The following ABCC1 variants were observed in gnomAD, a reference collection of about 807,000 sequenced individuals.
The protein encoded by ABCC1 is ATP binding cassette subfamily C member 1 (ABCC1 blood group).
In ABCC1, 83 loss-of-function variants were observed where a neutral mutation model predicts 172.9. The ratio of observed to expected loss-of-function variants is 0.48; its 90% CI spans 0.40 to 0.58. ABCC1 has a LOEUF of 0.58. Ranked by LOEUF, ABCC1 falls within the 20% of genes least tolerant of loss-of-function variation. The probability of loss-of-function intolerance (pLI) is 0.00; values close to 1 mark genes in which losing one functional copy is unlikely to be tolerated. For missense variants in ABCC1, 1,817 were observed against 2,002.7 expected (o/e 0.91, Z 1.77); for synonymous variants, 937 against 825.2 (o/e 1.14, Z -2.32).
intron 1 of ABCC1, among the ~76,000 whole-genome samples, chr16:15,981,295 G>A (rs537385236): frequency 4.3e-4 from 66 of 152,352 alleles, no homozygotes; most frequent in African/African-American, 1.5e-3. Context: ...GTGTCCCAAT[G>A]GGGACTGTAT....
intron 5 of ABCC1, among the ~76,000 whole-genome samples, chr16:16,023,768 A>G (rs2151796041): frequency 6.6e-6 from 1 of 152,196 alleles, no homozygotes; most frequent in South Asian, 2.1e-4. Context: ...GCTAGCATCC[A>G]GGGAGGAGAG....
intron 1 of ABCC1, among the ~76,000 whole-genome samples, chr16:16,001,016 C>T (rs2047288066): frequency 6.6e-6 from 1 of 152,334 alleles, no homozygotes; most frequent in East Asian, 1.9e-4. Context: ...GCAGGAACCA[C>T]AGCCTTTCAG....
rs562607040 is a variant in ABCC1, at chr16:16,090,687, G to A, written c.2644+99G>A. On this transcript the variant is annotated intron_variant, in intron 19 of 30. Transcript: ENST00000399410. ...TTGCCACCAGCCACTTGGGGAAGGC[G>A]GCTCCTCAGGGCATGAGGGTGGGAG... The A allele has an allele frequency of 6.1e-5, 80 of 1,317,248 alleles. No individual in the cohort carries two copies. In the Middle Eastern group the frequency reaches 2.2e-3, roughly 37 times the overall value. The allele number at this position is 1,317,248 out of a possible 1,614,324, so 81.6% of individuals were successfully genotyped here. A position where few individuals can be genotyped will look rare whatever the true frequency, so the allele number is the denominator to read the frequency against.
In ABCC1 at chr16:15,952,805, G is replaced by A. The variant is rs747840210; in HGVS notation, c.48+3006G>A. Among the ~76,000 whole-genome samples the A allele has an allele frequency of 4.5e-4, 66 of 147,968 alleles. 1 individual carries two copies. The highest frequency in any genetic ancestry group is 2.7e-4 in the Non-Finnish European group (18 of 67,282). On this transcript the variant is annotated intron_variant, in intron 1 of 30. Coordinates refer to ENST00000399410, the MANE Select transcript of ABCC1 (RefSeq NM_004996.4). ...AGCACTTTGGGAGGCTGAGGCAGGC[G>A]GATTGCTTGAGGTCAGGAGTTCGAG... is the stretch of plus-strand genomic sequence containing the variant.
intron 1 of ABCC1, among the ~76,000 whole-genome samples, chr16:15,951,237 TGAG>T (rs1264556997): frequency 1.3e-5 from 2 of 152,138 alleles, no homozygotes; most frequent in African/African-American, 2.4e-5. Context: ...TCTTCTGAAT[TGAG>T]GAGGGGGCAA....
chr16:15,977,227 C>G (rs989913702), intron 1 of ABCC1, among the ~76,000 whole-genome samples: 5 of 152,176 alleles, frequency 3.3e-5, no homozygotes, highest in Non-Finnish European at 7.3e-5. Context: ...AAATTTCCCT[C>G]TGAGTTTCAC....
At chr16:16,071,148 ATC>A (rs1310735200) in intron 13 of ABCC1, among the ~76,000 whole-genome samples, 4 of 151,896 alleles carry the variant, frequency 2.6e-5, no homozygotes, top group African/African-American at 9.7e-5. Context: ...CAGTGGCATG[ATC>A]TTGGCTCACT....
chr16:16,100,522 T>C (rs1215339486), intron 19 of ABCC1, among the ~76,000 whole-genome samples: 1 of 152,240 alleles, frequency 6.6e-6, no homozygotes, highest in African/African-American at 2.4e-5. Context: ...TCCTGCTTGG[T>C]ATCATTCTTC....
chr16:15,960,602 G>A (rs1260482855), intron 1 of ABCC1, among the ~76,000 whole-genome samples: 5 of 152,062 alleles, frequency 3.3e-5, no homozygotes, highest in Non-Finnish European at 7.4e-5. Flanking sequence ...GACTTGAACC[G>A]GGAAAAACTG....
intron 29 of ABCC1, 49 bp from the exon 30 acceptor site, chr16:16,138,313 CAG>C (rs1157486469): frequency 3.3e-6 from 5 of 1,526,152 alleles, no homozygotes; most frequent in Admixed American, 1.8e-5. Flanking sequence ...GGTTCAGGGT[CAG>C]GGGTGGTTTG....
chr16:16,123,015 T>C (rs2045234985), intron 24 of ABCC1, among the ~76,000 whole-genome samples: 1 of 152,162 alleles, frequency 6.6e-6, no homozygotes, highest in African/African-American at 2.4e-5. Flanking sequence ...TCTCACCCAT[T>C]TGCATCCTTA....
chr16:16,124,335 G>GTGTGTGTGTGTGTATGTGTGTA lies in ABCC1; in HGVS notation c.3591-441_3591-440insATGTGTGTATGTGTGTGTGTGT, dbSNP rs1555502584. Among the ~76,000 whole-genome samples the GTGTGTGTGTGTGTATGTGTGTA allele has an allele frequency of 3.6e-4, 32 of 87,984 alleles. 1 individual carries two copies. The highest frequency in any genetic ancestry group is 6.5e-4 in the Non-Finnish European group (28 of 42,792). 57.7% of individuals were successfully genotyped at this position (87,984 alleles called of 152,430 possible). On this transcript the variant is annotated intron_variant, in intron 24 of 30. Coordinates refer to ENST00000399410, the MANE Select transcript of ABCC1 (RefSeq NM_004996.4). ...ATGCACTGTGTGTGTGTGTGTGTGT[G>GTGTGTGTGTGTGTATGTGTGTA]TGTGTGTGTGTGTGATTATAGGAGT...
intron 5 of ABCC1, among the ~76,000 whole-genome samples, chr16:16,019,955 GCT>G (rs1224807289): frequency 1.3e-5 from 2 of 152,050 alleles, no homozygotes. Flanking sequence ...TTGCAGTCTC[GCT>G]CTGTCGCCAA....
chr16:16,136,452 C>T, intron 28 of ABCC1, 26 bp from the exon 29 acceptor site: 2 of 1,610,762 alleles, frequency 1.2e-6, no homozygotes, highest in Non-Finnish European at 8.5e-7. Context: ...GTGTCACATG[C>T]CGTCCACTCT....
At chr16:16,024,168 G>A (rs1310643862) in intron 5 of ABCC1, among the ~76,000 whole-genome samples, 2 of 152,096 alleles carry the variant, frequency 1.3e-5, no homozygotes, top group African/African-American at 4.8e-5. Context: ...GCAGTGCGCC[G>A]AGATCGCGCC....
Position 16,086,969 on chromosome 16 carries a change from C to T in ABCC1, c.2438C>T (p.Pro813Leu). The T allele has an allele frequency of 6.2e-7, 1 of 1,614,150 alleles. No individual in the cohort carries two copies. The highest frequency in any genetic ancestry group is 8.5e-7 in the Non-Finnish European group (1 of 1,180,018). The change falls in exon 18 of 31, where the codon CCC becomes CTC. Residue 813 changes from proline (P) to leucine (L), a missense_variant. Pro to Leu is a moderately conservative substitution (Grantham distance 98). Transcript: ENST00000399410. Reference sequence around the variant, plus strand: ...CACATCTTTGAAAATGTGATTGGCCCCAAGGGGATGCTGAAGAACAAGGTG... The same window carrying T: ...CACATCTTTGAAAATGTGATTGGCCTCAAGGGGATGCTGAAGAACAAGGTG... ...GKHIFENVIG[P>L]KGMLKNKTRI...
chr16:16,103,250 C>T (rs998428214), intron 20 of ABCC1, among the ~76,000 whole-genome samples: 4 of 152,056 alleles, frequency 2.6e-5, no homozygotes, highest in African/African-American at 7.2e-5. Context: ...GGATTTATAG[C>T]GTATGCAGTA....
chr16:16,026,432 C>CAAAAAAA (rs386384354), intron 5 of ABCC1, among the ~76,000 whole-genome samples: 1 of 59,224 alleles, frequency 1.7e-5, no homozygotes, highest in Non-Finnish European at 2.7e-5. Flanking sequence ...GAAACCGTCT[C>CAAAAAAA]AAAAAAAAAA....
At chr16:16,102,596 C>T (rs759753745) in intron 19 of ABCC1, 31 bp from the exon 20 acceptor site, 2 of 1,553,130 alleles carry the variant, frequency 1.3e-6, no homozygotes, top group South Asian at 1.2e-5. Context: ...TCATATAACC[C>T]CACTTGCCCC....
Sources: gnomAD v4.1 joint callset for allele counts (sites outside exome capture counted in the v4.1 genomes callset) on GRCh38, gnomAD v4.1.1 for gene constraint, MANE v1.5 for transcripts, NCBI Gene and HGNC (gene_info 2026-07-23, HGNC 2026-07-21) for gene names.